The following STX7 variants were observed in gnomAD, a reference collection of about 807,000 sequenced individuals.
STX7 encodes syntaxin-7.
A neutral mutation model predicts 39.6 loss-of-function variants in STX7; 34 were observed. The observed-to-expected ratio is 0.86, with a 90% confidence interval of 0.65 to 1.14. The LOEUF (loss-of-function observed/expected upper bound fraction) is 1.14, where lower values mean the gene tolerates loss of function less well. Ranked by LOEUF, STX7 falls within the 50% of genes most tolerant of loss-of-function variation. The pLI, the probability that STX7 is intolerant of heterozygous loss-of-function variation, is 0.00. For missense variants in STX7, 284 were observed against 310.4 expected (o/e 0.92, Z 0.64); for synonymous variants, 119 against 99.1 (o/e 1.20, Z -1.19).
chr6:132,505,751 A>AAAAAAAAAAAAG (rs1775685591), intron 1 of STX7, among the ~76,000 whole-genome samples: 1 of 148,622 alleles, frequency 6.7e-6, no homozygotes, highest in East Asian at 2.0e-4. Flanking sequence ...AAAAAAAAAA[A>AAAAAAAAAAAAG]AAAAAAAAAA....
At chr6:132,513,124 C>T (rs1203057158), upstream of STX7, 2 of 152,340 alleles carry the variant, frequency 1.3e-5, no homozygotes, top group African/African-American at 4.8e-5. Flanking sequence ...TGCGCATGCC[C>T]GCAGCACAAC....
intron 8 of STX7, among the ~76,000 whole-genome samples, chr6:132,466,579 C>T (rs1196458150): frequency 6.6e-6 from 1 of 152,008 alleles, no homozygotes; most frequent in Non-Finnish European, 1.5e-5. Flanking sequence ...AGTCCTCAGA[C>T]CCCTTCTATT....
At chr6:132,461,477 T>G (rs2114347492) in intron 9 of STX7, among the ~76,000 whole-genome samples, 1 of 151,914 alleles carries the variant, frequency 6.6e-6, no homozygotes, top group East Asian at 1.9e-4. Context: ...CAGCTAATTT[T>G]TTTTTTGTAT....
At position 132,499,098 on chromosome 6, in the gene STX7, C is replaced by T. The variant is rs143443990; in HGVS notation, c.85+4348G>A. 5.5e-3 allele frequency among the ~76,000 whole-genome samples: 839 copies of T among 152,274 alleles called. 4 individuals carry two copies. Among genetic ancestry groups the T allele is most frequent in the South Asian group, 0.015 (70 of 4,818 alleles). On this transcript the variant is annotated intron_variant, in intron 2 of 9. Coordinates refer to ENST00000367941, the MANE Select transcript of STX7 (RefSeq NM_003569.3). Reference sequence around the variant, plus strand: ...TACCACACGTAGCCTCACCTCTATACGGTGGATGAAATGTGAACTTGCTAG... The same window carrying T: ...TACCACACGTAGCCTCACCTCTATATGGTGGATGAAATGTGAACTTGCTAG...
Position 132,461,702 on chromosome 6 carries a change from T to G in STX7, c.694-852A>C, listed in dbSNP as rs1053311645. The G allele has an allele frequency of 1.1e-5, 10 of 875,516 alleles. No homozygotes were observed. In the African/African-American group the frequency reaches 1.4e-4, roughly 12 times the overall value. The allele number at this position is 875,516 out of a possible 1,614,324, so 54.2% of individuals were successfully genotyped here. A position where few individuals can be genotyped will look rare whatever the true frequency, so the allele number is the denominator to read the frequency against. On this transcript the variant is annotated intron_variant, in intron 9 of 9. Transcript: ENST00000367941. The stretch of plus-strand genomic sequence containing the variant: ...CTTTAATATTAATGGGAAACTACAT[T>G]CAAAATCTCAACAAACAAAACCACA...
At chr6:132,511,488 GT>G in intron 1 of STX7, among the ~76,000 whole-genome samples, 1 of 152,142 alleles carries the variant, frequency 6.6e-6, no homozygotes, top group Non-Finnish European at 1.5e-5. Context: ...ATTAATCACT[GT>G]TTATTATTTA....
intron 3 of STX7, among the ~76,000 whole-genome samples, chr6:132,475,072 G>T (rs541041158): frequency 4.6e-5 from 7 of 151,544 alleles, no homozygotes; most frequent in Non-Finnish European, 1.0e-4. Flanking sequence ...CCTAAAAACT[G>T]TAAGAAATGC....
Position 132,456,089 on chromosome 6 carries a change from T to C in STX7, c.*4669A>G, listed in dbSNP as rs1336971056. ...ATACATATCCTGTAAATGTCTGTCC[T>C]GATGATCAGGATGCCCAAGCTCTGA... On this transcript the variant is annotated 3_prime_UTR_variant, in exon 10 of 10. Coordinates refer to ENST00000367941, the MANE Select transcript of STX7 (RefSeq NM_003569.3). 1 of 152,206 alleles carries C rather than the reference T, an allele frequency of 6.6e-6. No homozygotes were observed. Among genetic ancestry groups the C allele is most frequent in the Non-Finnish European group, 1.5e-5 (1 of 68,022 alleles). The allele number at this position is 152,206 out of a possible 1,614,324, so 9.4% of individuals were successfully genotyped here. A position where few individuals can be genotyped will look rare whatever the true frequency, so the allele number is the denominator to read the frequency against.
In STX7 at chr6:132,454,203, G is replaced by A. The variant is rs1774198252; in HGVS notation, c.*6555C>T. 1 of 149,218 alleles carries A rather than the reference G, an allele frequency of 6.7e-6. No individual in the cohort carries two copies. The highest frequency in any genetic ancestry group is 1.5e-5 in the Non-Finnish European group (1 of 67,524). The allele number at this position is 149,218 out of a possible 1,614,324, so 9.2% of individuals were successfully genotyped here. ...AAGGTTACATATTATTATGATTCCA[G>A]TTATACAGCTTTATTGAAATGAAAA... On this transcript the variant is annotated 3_prime_UTR_variant, in exon 10 of 10. Transcript: ENST00000367941.
chr6:132,497,178 G>A (rs771754505), intron 2 of STX7, among the ~76,000 whole-genome samples: 3 of 152,094 alleles, frequency 2.0e-5, no homozygotes, highest in Non-Finnish European at 4.4e-5. Flanking sequence ...TCAAAAACTG[G>A]AAACACTACA....
Position 132,479,009 on chromosome 6 carries a change from AC to A in STX7, c.86-3348del, listed in dbSNP as rs555467059. Among the ~76,000 whole-genome samples, 16 of 152,308 alleles carry A rather than the reference AC, an allele frequency of 1.1e-4. No homozygotes were observed. In the East Asian group the frequency reaches 2.9e-3, roughly 28 times the overall value. On this transcript the variant is annotated intron_variant, in intron 2 of 9. Coordinates refer to ENST00000367941, the MANE Select transcript of STX7 (RefSeq NM_003569.3). Reference sequence around the variant, plus strand: ...TTTAGGACCAGAAAAGCAGGAGGCAACATGTACTCTTAGATGCCTGCAAAGC... The same window carrying A: ...TTTAGGACCAGAAAAGCAGGAGGCAAATGTACTCTTAGATGCCTGCAAAGC...
intron 2 of STX7, among the ~76,000 whole-genome samples, chr6:132,491,986 A>C (rs1775301318): frequency 6.6e-6 from 1 of 152,062 alleles, no homozygotes; most frequent in African/African-American, 2.4e-5. Flanking sequence ...CAAAATCTAA[A>C]ATTCTGGTTG....
At chr6:132,464,793 A>G (rs560819784) in intron 8 of STX7, among the ~76,000 whole-genome samples, 5 of 152,252 alleles carry the variant, frequency 3.3e-5, no homozygotes, top group Non-Finnish European at 7.4e-5. Flanking sequence ...TGTGGTCATC[A>G]ACATACTTCT....
intron 2 of STX7, among the ~76,000 whole-genome samples, chr6:132,488,683 T>C (rs967637698): frequency 6.6e-6 from 1 of 152,182 alleles, no homozygotes; most frequent in East Asian, 1.9e-4. Flanking sequence ...GTAGAGATGA[T>C]AAATATCAAT....
chr6:132,493,789 G>T (rs1490173825), intron 2 of STX7, among the ~76,000 whole-genome samples: 1 of 152,144 alleles, frequency 6.6e-6, no homozygotes, highest in African/African-American at 2.4e-5. Context: ...ATCACTACAG[G>T]AAACCAAAAC....
At position 132,459,437 on chromosome 6, in the gene STX7, A is replaced by C. The variant is rs1443767758; in HGVS notation, c.*1321T>G. The C allele has an allele frequency of 6.6e-6, 1 of 152,230 alleles. No homozygotes were observed. The highest frequency in any genetic ancestry group is 1.9e-4 in the East Asian group (1 of 5,204). The allele number at this position is 152,230 out of a possible 1,614,324, so 9.4% of individuals were successfully genotyped here. ...GGTGATGTCTCCATGCTGAGGTTTC[A>C]GGCAGCACAGCACTAAGTATCAGGT... On this transcript the variant is annotated 3_prime_UTR_variant, in exon 10 of 10. Transcript: ENST00000367941.
At chr6:132,508,008 G>A (rs765199340) in intron 1 of STX7, among the ~76,000 whole-genome samples, 2 of 152,186 alleles carry the variant, frequency 1.3e-5, no homozygotes, top group Non-Finnish European at 2.9e-5. Flanking sequence ...AGTAGCAACT[G>A]GAAATTTCTA....
chr6:132,493,724 T>C (rs1175381204), intron 2 of STX7, among the ~76,000 whole-genome samples: 7 of 152,194 alleles, frequency 4.6e-5, no homozygotes, highest in Admixed American at 2.6e-4. Flanking sequence ...CATTGTTCAG[T>C]AATTGGTGAA....
At chr6:132,470,958 C>T (rs1481452775) in intron 5 of STX7, among the ~76,000 whole-genome samples, 3 of 152,070 alleles carry the variant, frequency 2.0e-5, no homozygotes, top group Admixed American at 6.5e-5. Context: ...AAGAAAATAA[C>T]TCATGATAGT....
Sources: gnomAD v4.1 joint callset for allele counts (sites outside exome capture counted in the v4.1 genomes callset) on GRCh38, gnomAD v4.1.1 for gene constraint, MANE v1.5 for transcripts, NCBI Gene and HGNC (gene_info 2026-07-23, HGNC 2026-07-21) for gene names.